GLP1R: variants seen among roughly 807,000 people sequenced by gnomAD.
GLP1R encodes glucagon like peptide 1 receptor, also known as glucagon-like peptide 1 receptor.
Under a neutral mutation model 68.4 loss-of-function variants are expected in GLP1R, and 32 were observed. The ratio of observed to expected loss-of-function variants is 0.47; its 90% CI spans 0.35 to 0.63. The LOEUF is 0.63. Ranked by LOEUF, GLP1R falls within the 20% of genes least tolerant of loss-of-function variation. The pLI is 0.00. For missense variants in GLP1R, 502 were observed against 594.9 expected (o/e 0.84, Z 1.62); for synonymous variants, 263 against 244.4 (o/e 1.08, Z -0.71).
At chr6:39,052,925 A>T (rs569774309) in intron 1 of GLP1R, among the ~76,000 whole-genome samples, 2 of 152,174 alleles carry the variant, frequency 1.3e-5, no homozygotes, top group South Asian at 4.2e-4. Context: ...CTTCCTGTAG[A>T]CCACACCACT....
Position 39,066,274 on chromosome 6 carries a change from T to C in GLP1R, c.480T>C (p.Val160=), listed in dbSNP as rs773188677. 1.7e-5 allele frequency: 28 copies of C among 1,611,818 alleles called. No individual in the cohort carries two copies. Among genetic ancestry groups the C allele is most frequent in the Non-Finnish European group, 2.2e-5 (26 of 1,178,052 alleles). Reference sequence around the variant, plus strand: ...ACGCACTCTCCTTCTCTGCTCTGGTTATCGCCTCTGCGATCCTCCTCGGCT... The same window carrying C: ...ACGCACTCTCCTTCTCTGCTCTGGTCATCGCCTCTGCGATCCTCCTCGGCT... The part of the protein sequence containing the change: ...VGYALSFSAL[V]IASAILLGFR... The change falls in exon 5 of 13, where the codon GTT becomes GTC. Residue 160 remains valine, a synonymous_variant. Transcript: ENST00000373256.
rs1384530489 is a variant in GLP1R, at chr6:39,086,116, G to T, written c.*43G>T. 6.3e-7 allele frequency: 1 copy of T among 1,585,080 alleles called. No individual in the cohort carries two copies. On this transcript the variant is annotated 3_prime_UTR_variant, in exon 13 of 13. Coordinates refer to ENST00000373256, the MANE Select transcript of GLP1R (RefSeq NM_002062.5). This position sits in a 1 kb window ranked among gnomAD's most constrained non-coding sequence, Gnocchi z 4.5. ...TCCCTGGGGTCCTTGCTGCAGGCCG[G>T]GTGGCCAATCCAGGTGGGAGAGACA...
chr6:39,058,889 T>C (rs895672785), intron 3 of GLP1R, among the ~76,000 whole-genome samples: 1 of 152,204 alleles, frequency 6.6e-6, no homozygotes, highest in African/African-American at 2.4e-5. Context: ...TCATCACACC[T>C]TGAAGGGGCT....
In GLP1R at chr6:39,089,421, G is replaced by A. The variant is rs1769230320; in HGVS notation, c.*3348G>A. Among the ~76,000 whole-genome samples the A allele has an allele frequency of 1.3e-5, 2 of 152,058 alleles. No individual in the cohort carries two copies. The highest frequency in any genetic ancestry group is 4.2e-4 in the South Asian group (2 of 4,814). On this transcript the variant is annotated 3_prime_UTR_variant, in exon 13 of 13. Coordinates refer to ENST00000373256, the MANE Select transcript of GLP1R (RefSeq NM_002062.5). This position sits in a 1 kb window ranked among gnomAD's most constrained non-coding sequence, Gnocchi z 4.1. ...CTGAATTTGGAGACAGCTAGCAAACGGCAACTGTAGCCTAGCAAAGATGGC... is the reference window on the plus strand; with the variant it reads ...CTGAATTTGGAGACAGCTAGCAAACAGCAACTGTAGCCTAGCAAAGATGGC...
intron 3 of GLP1R, among the ~76,000 whole-genome samples, chr6:39,061,795 C>T (rs1467069301): frequency 6.6e-6 from 1 of 152,192 alleles, no homozygotes; most frequent in Non-Finnish European, 1.5e-5. Flanking sequence ...CTCAACATCC[C>T]ACAGCTGGTT....
intron 3 of GLP1R, among the ~76,000 whole-genome samples, chr6:39,060,177 T>G (rs1333068020): frequency 6.6e-6 from 1 of 152,150 alleles, no homozygotes; most frequent in Non-Finnish European, 1.5e-5. Context: ...CAGCGGAGGC[T>G]TCCCTGACCC....
At position 39,057,563 on chromosome 6, in the gene GLP1R, G is replaced by A. The variant is rs752144046; in HGVS notation, c.267G>A (p.Leu89=). 1 of 1,601,582 alleles carries A rather than the reference G, an allele frequency of 6.2e-7. No homozygotes were observed. Among genetic ancestry groups the A allele is most frequent in the South Asian group, 1.1e-5 (1 of 90,042 alleles). ...SFVNVSCPWY[L]PWASSVPQGH... ...TGAATGTCAGCTGCCCCTGGTACCT[G>A]CCCTGGGCCAGCAGTGGTGAGCCCC... is the stretch of plus-strand genomic sequence containing the variant. Residue 89 remains leucine, a synonymous_variant, in exon 3 of 13, where the codon CTG becomes CTA. Transcript: ENST00000373256.
intron 1 of GLP1R, among the ~76,000 whole-genome samples, chr6:39,052,212 A>G (rs2150818800): frequency 6.6e-6 from 1 of 152,128 alleles, no homozygotes; most frequent in Non-Finnish European, 1.5e-5. Context: ...TTTCGTTCAG[A>G]TATCTAAAGC....
In GLP1R at chr6:39,069,226, C is replaced by G. The variant is rs1321133035; in HGVS notation, c.509+2923C>G. On this transcript the variant is annotated intron_variant, in intron 5 of 12. Transcript: ENST00000373256. ...TTGTAACAAAAAGATGGCATTTCCT[C>G]TGGTCTCCAATGCCATGCTCCTCAT... 3.9e-5 allele frequency among the ~76,000 whole-genome samples: 6 copies of G among 152,238 alleles called. No individual in the cohort carries two copies. In the East Asian group the frequency reaches 1.2e-3, roughly 29 times the overall value.
chr6:39,081,752 C>T (rs867036296), intron 12 of GLP1R, among the ~76,000 whole-genome samples: 2 of 152,208 alleles, frequency 1.3e-5, no homozygotes, highest in Non-Finnish European at 2.9e-5. Context: ...AGGATGCAGG[C>T]TTTGGCATCT....
At chr6:39,052,137 C>T (rs1303770285) in intron 1 of GLP1R, among the ~76,000 whole-genome samples, 1 of 151,784 alleles carries the variant, frequency 6.6e-6, no homozygotes, top group Non-Finnish European at 1.5e-5. Flanking sequence ...ATGCGTGTGA[C>T]CGTGTGTCCA....
At chr6:39,069,424 G>A (rs1768598313) in intron 5 of GLP1R, among the ~76,000 whole-genome samples, 1 of 152,168 alleles carries the variant, frequency 6.6e-6, no homozygotes. Flanking sequence ...ATGCGGTCAG[G>A]AGATCGAGAC....
intron 1 of GLP1R, among the ~76,000 whole-genome samples, chr6:39,052,782 G>C (rs931634057): frequency 6.6e-6 from 1 of 152,174 alleles, no homozygotes; most frequent in Non-Finnish European, 1.5e-5. Context: ...AGAATGATAT[G>C]CCCATTTTAT....
At position 39,073,033 on chromosome 6, in the gene GLP1R, G is replaced by A; in HGVS notation, c.663+18G>A. The stretch of plus-strand genomic sequence containing the variant: ...CCTACCAGGTGTGTGGTGCATCCAG[G>A]ACCGCCTCAGGAGGGATGGGCGGTT... On this transcript the variant is annotated intron_variant, in intron 6 of 12. Coordinates refer to ENST00000373256, the MANE Select transcript of GLP1R (RefSeq NM_002062.5). 6.2e-7 allele frequency: 1 copy of A among 1,611,362 alleles called. No homozygotes were observed. The highest frequency in any genetic ancestry group is 1.1e-5 in the South Asian group (1 of 90,894).
intron 3 of GLP1R, among the ~76,000 whole-genome samples, chr6:39,062,879 T>C (rs150434085): frequency 6.6e-6 from 1 of 152,178 alleles, no homozygotes; most frequent in Non-Finnish European, 1.5e-5. Flanking sequence ...GGTTCTAATG[T>C]CCAAAGGTGT....
In GLP1R at chr6:39,079,493, G is replaced by A; in HGVS notation, c.1044-71G>A. On this transcript the variant is annotated intron_variant, in intron 10 of 12. Coordinates refer to ENST00000373256, the MANE Select transcript of GLP1R (RefSeq NM_002062.5). The surrounding 1 kb of genome is among the most constrained non-coding windows in gnomAD (Gnocchi z 4.5). ...ATCAGGACTTGGTAGGAAGTGGGGA[G>A]GGTAGAGAAAGGGAAGAAGAGTCCA... is the stretch of plus-strand genomic sequence containing the variant. 2.8e-6 allele frequency: 4 copies of A among 1,405,310 alleles called. No individual in the cohort carries two copies. The highest frequency in any genetic ancestry group is 2.9e-6 in the Non-Finnish European group (3 of 1,031,972). 87.1% of individuals were successfully genotyped at this position (1,405,310 alleles called of 1,614,324 possible).
At position 39,091,020 on chromosome 6, in the gene GLP1R, T is replaced by A. The variant is rs1769266526; in HGVS notation, c.*4947T>A. Among the ~76,000 whole-genome samples, 1 of 152,150 alleles carries A rather than the reference T, an allele frequency of 6.6e-6. No homozygotes were observed. The highest frequency in any genetic ancestry group is 2.1e-4 in the South Asian group (1 of 4,814). ...AGCATCCCATCGGTTCTGGAGGGATTTGATGCAAACCTTTAAATGCACCAA... is the reference window on the plus strand; with the variant it reads ...AGCATCCCATCGGTTCTGGAGGGATATGATGCAAACCTTTAAATGCACCAA... On this transcript the variant is annotated 3_prime_UTR_variant, in exon 13 of 13. Coordinates refer to ENST00000373256, the MANE Select transcript of GLP1R (RefSeq NM_002062.5).
intron 5 of GLP1R, among the ~76,000 whole-genome samples, chr6:39,071,074 C>A (rs139224081): frequency 1.3e-5 from 2 of 151,990 alleles, no homozygotes; most frequent in African/African-American, 4.8e-5. Context: ...TGGCTGGGTG[C>A]GGTGGCTCAC....
intron 12 of GLP1R, among the ~76,000 whole-genome samples, chr6:39,083,516 AGGCCTGAAGGT>A (rs1769064736): frequency 1.3e-5 from 2 of 152,090 alleles, no homozygotes; most frequent in South Asian, 4.2e-4. Flanking sequence ...AGGGAGGGGG[AGGCCTGAAGGT>A]GGTTTTGCTG....
Sources: allele counts gnomAD v4.1 joint callset (sites outside exome capture counted in the v4.1 genomes callset), GRCh38; gene constraint gnomAD v4.1.1; non-coding constraint Gnocchi (gnomAD v3.1); transcripts MANE v1.5; gene names NCBI Gene and HGNC (gene_info 2026-07-23, HGNC 2026-07-21).